GPHN: variants seen among roughly 807,000 people sequenced by gnomAD.
The protein encoded by GPHN is gephyrin.
In GPHN, 17 loss-of-function variants were observed where a neutral mutation model predicts 95.5. The ratio of observed to expected loss-of-function variants is 0.18; its 90% CI spans 0.12 to 0.27. The LOEUF (loss-of-function observed/expected upper bound fraction) is 0.27, where lower values mean the gene tolerates loss of function less well. GPHN is among the 10% of genes least tolerant of loss of function. GPHN has a pLI of 1.00. For missense variants in GPHN, 660 were observed against 978.1 expected (o/e 0.67, Z 4.34); for synonymous variants, 320 against 322.5 (o/e 0.99, Z 0.08).
At chr14:67,196,340 C>T in the GPHN span, among the ~76,000 whole-genome samples, 4 of 152,030 alleles carry the variant, frequency 2.6e-5, no homozygotes, top group African/African-American at 9.7e-5. Flanking sequence ...CCTCAGTCTC[C>T]CGAATAGCTG....
the GPHN span, chr14:67,376,340 G>A: frequency 8.5e-7 from 1 of 1,180,466 alleles, no homozygotes; most frequent in East Asian, 2.6e-5. Flanking sequence ...TTATTGTTAA[G>A]GAATTATTGT....
At chr14:67,303,718 A>T in the GPHN span, 1 of 710,040 alleles carries the variant, frequency 1.4e-6, no homozygotes, top group Non-Finnish European at 2.4e-6. Flanking sequence ...AATCATTTTT[A>T]TTTAAATAAA....
the GPHN span, chr14:67,320,418 A>G: frequency 5.1e-6 from 8 of 1,570,044 alleles, no homozygotes; most frequent in African/African-American, 1.4e-5. Context: ...ATGCATTCCC[A>G]TTTTCCTGTG....
At chr14:67,344,128 T>C in the GPHN span, among the ~76,000 whole-genome samples, 19 of 152,346 alleles carry the variant, frequency 1.2e-4, no homozygotes, top group South Asian at 3.9e-3. Context: ...ACTTCATGAT[T>C]TACTTGCATG....
At chr14:67,317,522 G>C in the GPHN span, 3 of 1,407,460 alleles carry the variant, frequency 2.1e-6, no homozygotes, top group Non-Finnish European at 3.0e-6. Context: ...TATCTGAAAG[G>C]AGTCTAAACC....
At chr14:67,602,217 A>G in the GPHN span, among the ~76,000 whole-genome samples, 2 of 152,214 alleles carry the variant, frequency 1.3e-5, no homozygotes, top group African/African-American at 2.4e-5. Flanking sequence ...GAAGCCAGGC[A>G]TGTCTTACAT....
the GPHN span, among the ~76,000 whole-genome samples, chr14:67,703,868 G>A: frequency 1.3e-5 from 2 of 152,004 alleles, no homozygotes; most frequent in Non-Finnish European, 2.9e-5. Flanking sequence ...GGTAGAGATG[G>A]GGTTTTGCCA....
chr14:67,279,256 A>G, the GPHN span: 2 of 1,614,062 alleles, frequency 1.2e-6, no homozygotes, highest in Non-Finnish European at 8.5e-7. Flanking sequence ...CCAGAGGAAC[A>G]TCAGAAGCAC....
chr14:66,687,111 A>G (rs901194251), intron 2 of GPHN, among the ~76,000 whole-genome samples: 11 of 152,180 alleles, frequency 7.2e-5, no homozygotes, highest in Non-Finnish European at 7.4e-5. Context: ...CCACTTGATC[A>G]TGTTGGATAA....
intron 12 of GPHN, among the ~76,000 whole-genome samples, chr14:67,093,752 T>A (rs2153671798): frequency 6.6e-6 from 1 of 152,232 alleles, no homozygotes; most frequent in East Asian, 1.9e-4. Context: ...AGGTAGCCAG[T>A]TTAAAATTCC....
chr14:67,227,083 G>A, the GPHN span, among the ~76,000 whole-genome samples: 5 of 152,126 alleles, frequency 3.3e-5, no homozygotes, highest in African/African-American at 1.2e-4. Context: ...CATTAACAGA[G>A]AGCTGCAAAT....
At chr14:67,398,392 T>C in the GPHN span, among the ~76,000 whole-genome samples, 4 of 151,706 alleles carry the variant, frequency 2.6e-5, no homozygotes, top group Non-Finnish European at 4.4e-5. Flanking sequence ...ATCCACTGAT[T>C]TTTCTAGAAA....
chr14:67,222,398 T>G, the GPHN span, among the ~76,000 whole-genome samples: 1 of 152,180 alleles, frequency 6.6e-6, no homozygotes, highest in Non-Finnish European at 1.5e-5. Flanking sequence ...TTCAAGTGAT[T>G]CTGCTGCCTC....
the GPHN span, among the ~76,000 whole-genome samples, chr14:67,718,852 G>A: frequency 6.7e-6 from 1 of 150,036 alleles, no homozygotes; most frequent in East Asian, 1.9e-4. Flanking sequence ...ATACCAGTTT[G>A]AGAAATAGCT....
chr14:67,577,471 G>T, the GPHN span: 1 of 1,128,956 alleles, frequency 8.9e-7, no homozygotes, highest in Non-Finnish European at 1.3e-6. Context: ...CTTGGGTGGA[G>T]AAGGCCTGTG....
At chr14:66,580,173 A>T (rs940678357) in intron 1 of GPHN, among the ~76,000 whole-genome samples, 7 of 151,858 alleles carry the variant, frequency 4.6e-5, no homozygotes, top group Non-Finnish European at 7.4e-5. Flanking sequence ...CTTGACACTA[A>T]TGAAAGTGGA....
chr14:67,053,532 G>T (rs908291410), intron 10 of GPHN, among the ~76,000 whole-genome samples: 1 of 152,112 alleles, frequency 6.6e-6, no homozygotes, highest in Non-Finnish European at 1.5e-5. Flanking sequence ...TCTACGAGAG[G>T]TACAAAGAGG....
At chr14:66,764,082 CA>C (rs1342901183) in intron 2 of GPHN, among the ~76,000 whole-genome samples, 9 of 152,058 alleles carry the variant, frequency 5.9e-5, no homozygotes, top group Non-Finnish European at 1.2e-4. Context: ...TTATATATTA[CA>C]ATGTAATAAG....
intron 5 of GPHN, among the ~76,000 whole-genome samples, chr14:66,895,987 A>G (rs991390305): frequency 1.3e-5 from 2 of 152,142 alleles, no homozygotes; most frequent in African/African-American, 2.4e-5. Flanking sequence ...TCCACAATCA[A>G]GGTGCCCGCA....
Sources: allele counts gnomAD v4.1 joint callset (sites outside exome capture counted in the v4.1 genomes callset), GRCh38; gene constraint gnomAD v4.1.1; transcripts MANE v1.5; gene names NCBI Gene and HGNC (gene_info 2026-07-23, HGNC 2026-07-21).